Variants in FAT2 observed in about 807,000 individuals in gnomAD.
The protein encoded by FAT2 is protocadherin Fat 2.
A neutral mutation model predicts 295.3 loss-of-function variants in FAT2; 150 were observed. That is an observed-to-expected ratio of 0.51 (90% CI 0.44 to 0.58). The LOEUF (loss-of-function observed/expected upper bound fraction) is 0.58, where lower values mean the gene tolerates loss of function less well. Ranked by LOEUF, FAT2 falls within the 20% of genes least tolerant of loss-of-function variation. FAT2 has a pLI of 0.00. For missense variants in FAT2, 4,868 were observed against 5,442.7 expected (o/e 0.89, Z 3.32); for synonymous variants, 2,026 against 2,150.3 (o/e 0.94, Z 1.60).
At chr5:151,529,128 AC>A (rs769104556) in intron 15 of FAT2, 49 bp downstream of exon 15, 1 of 1,525,172 alleles carries the variant, frequency 6.6e-7, no homozygotes, top group Non-Finnish European at 9.1e-7. Context: ...TGAGATAAGA[AC>A]CCATCCCAGA....
rs537607271 is a variant in FAT2, at chr5:151,532,836, G to A, written c.9428-866C>T. ...CACGCCCTGAGCCTAAGGGTCTCACGTCTCCCACACACGTGGAACACAAAC... is the reference window on the plus strand; with the variant it reads ...CACGCCCTGAGCCTAAGGGTCTCACATCTCCCACACACGTGGAACACAAAC... On this transcript the variant is annotated intron_variant, in intron 13 of 23. Transcript: ENST00000261800. Among the ~76,000 whole-genome samples the A allele has an allele frequency of 7.9e-5, 12 of 152,318 alleles. No individual in the cohort carries two copies. The East Asian group carries it at 1.2e-3, about 15-fold the overall frequency.
At chr5:151,576,988 A>T (rs1173408055) in intron 1 of FAT2, among the ~76,000 whole-genome samples, 1 of 152,212 alleles carries the variant, frequency 6.6e-6, no homozygotes, top group East Asian at 1.9e-4. Flanking sequence ...TTGTGTATCT[A>T]AACATAGAAA....
intron 22 of FAT2, among the ~76,000 whole-genome samples, chr5:151,508,192 A>G (rs1039556158): frequency 6.6e-6 from 1 of 152,214 alleles, no homozygotes; most frequent in African/African-American, 2.4e-5. Flanking sequence ...TTTGAGGGCT[A>G]TTGGGAAAGT....
At chr5:151,509,251 G>A (rs1315843787) in intron 22 of FAT2, among the ~76,000 whole-genome samples, 1 of 152,200 alleles carries the variant, frequency 6.6e-6, no homozygotes, top group East Asian at 1.9e-4. Context: ...CTGGTTAAAT[G>A]TACAGATTGC....
rs1581262735 is a variant in FAT2 at position 151,507,377 on chromosome 5, C to T, written c.12294G>A (p.Met4098Ile). Residue 4098 changes from methionine (M) to isoleucine (I), a missense_variant, in exon 23 of 24, where the codon ATG becomes ATA. By Grantham distance (10) the Met-to-Ile change is conservative. Transcript: ENST00000261800. ...ARSVGVDTQA[M>I]PAIELNPLSA... ...TCAATGGGTTGAGCTCGATGGCAGG[C>T]ATGGCTTGGGTGTCAACACCAACAC... 1 of 1,614,184 alleles carries T rather than the reference C, an allele frequency of 6.2e-7. No homozygotes were observed. The highest frequency in any genetic ancestry group is 2.2e-5 in the East Asian group (1 of 44,886).
chr5:151,507,672 T>TA, intron 22 of FAT2, 61 bp from the exon 23 acceptor site: 9 of 1,441,544 alleles, frequency 6.2e-6, no homozygotes, highest in East Asian at 2.4e-5. Flanking sequence ...TGTCCCCTCT[T>TA]ACAGAGATCT....
In FAT2 at chr5:151,566,106, A is replaced by C. The variant is rs757617969; in HGVS notation, c.2826T>G (p.Thr942=). The part of the protein sequence containing the change: ...LKVPEDLPPG[T]VLTFLDASDP... ...CAGAGGCATCCAGAAATGTCAAGAC[A>C]GTCCCGGGGGGCAGGTCCTCTGGAA... The change falls in exon 2 of 24, where the codon ACT becomes ACG. Residue 942 remains threonine (T), a synonymous_variant. Coordinates refer to ENST00000261800, the MANE Select transcript of FAT2 (RefSeq NM_001447.3). The C allele has an allele frequency of 1.9e-6, 3 of 1,614,074 alleles. No homozygotes were observed. In the African/African-American group the frequency reaches 4.0e-5, roughly 22 times the overall value.
intron 22 of FAT2, among the ~76,000 whole-genome samples, chr5:151,508,829 G>T (rs1761095158): frequency 1.3e-5 from 2 of 152,114 alleles, no homozygotes; most frequent in African/African-American, 2.4e-5. Flanking sequence ...TACATCACTG[G>T]CTCTTATACA....
chr5:151,525,915 T>C lies in FAT2; in HGVS notation c.10359A>G (p.Pro3453=), dbSNP rs776392303. ...SKVLQLILSD[P]DSPENGPPYS... is the part of the protein sequence containing the mutation. ...AGGGGGGGCCATTCTCTGGAGAATC[T>C]GGGTCACTCAGGATCAGCTGCAGGA... Residue 3453 remains proline (P), a synonymous_variant, in exon 18 of 24, where the codon CCA becomes CCG. Transcript: ENST00000261800. 6.2e-7 allele frequency: 1 copy of C among 1,614,200 alleles called. No homozygotes were observed. The highest frequency in any genetic ancestry group is 8.5e-7 in the Non-Finnish European group (1 of 1,180,038).
chr5:151,545,457 C>T lies in FAT2; in HGVS notation c.5670G>A (p.Glu1890=). Reference sequence around the variant, plus strand: ...CATCGCTGGCCCGCACCATGAGAAGCTCCATGCCTGGATGGATAGGCCCGA... The same window carrying T: ...CATCGCTGGCCCGCACCATGAGAAGTTCCATGCCTGGATGGATAGGCCCGA... ...AIVGPIHPGM[E]LLMVRASDED... The change falls in exon 10 of 24, where the codon GAG becomes GAA. Residue 1890 remains glutamate (E), a synonymous_variant. Coordinates refer to ENST00000261800, the MANE Select transcript of FAT2 (RefSeq NM_001447.3). 2 of 1,614,180 alleles carry T rather than the reference C, an allele frequency of 1.2e-6. No homozygotes were observed. The highest frequency in any genetic ancestry group is 2.2e-5 in the South Asian group (2 of 91,082).
At chr5:151,525,671 G>A in intron 18 of FAT2, 97 bp downstream of exon 18, 2 of 1,380,008 alleles carry the variant, frequency 1.4e-6, no homozygotes, top group African/African-American at 1.4e-5. Flanking sequence ...TAAGTGCTTT[G>A]TACATTTTTT....
chr5:151,567,422 G>T lies in FAT2; in HGVS notation c.1510C>A (p.Pro504Thr). The T allele has an allele frequency of 1.2e-6, 2 of 1,614,166 alleles. No homozygotes were observed. Among genetic ancestry groups the T allele is most frequent in the Non-Finnish European group, 1.7e-6 (2 of 1,180,018 alleles). ...TYSIAGPKAL[P>T]FSIDPYLGII... Reference sequence around the variant, plus strand: ...CCCAGGTAGGGGTCAATAGAAAATGGCAAAGCTTTTGGTCCAGCAATGGAA... The same window carrying T: ...CCCAGGTAGGGGTCAATAGAAAATGTCAAAGCTTTTGGTCCAGCAATGGAA... The change falls in exon 2 of 24, where the codon CCA becomes ACA. Residue 504 changes from proline to threonine, a missense_variant. Pro to Thr is a conservative substitution (Grantham distance 38). Around this residue, in one of 5 missense-constraint regions of FAT2, gnomAD observed 3,297 missense variants for 3,669.4 expected, o/e 0.90. Transcript: ENST00000261800.
Position 151,580,657 on chromosome 5 carries a change from A to T in FAT2, c.-21+10508T>A, listed in dbSNP as rs148034475. On this transcript the variant is annotated intron_variant, in intron 1 of 23. Transcript: ENST00000261800. ...TCTCTCTTTGCAGTGATTTGCAGCA[A>T]AGCTCAAGCAGCAAGTTGAGCAGCA... Among the ~76,000 whole-genome samples, 96 of 152,318 alleles carry T rather than the reference A, an allele frequency of 6.3e-4. No individual in the cohort carries two copies. The East Asian group carries it at 0.016, about 26-fold the overall frequency.
At chr5:151,518,371 A>ATTATTATTATTATT (rs58882221) in intron 19 of FAT2, among the ~76,000 whole-genome samples, 33,019 of 130,822 alleles carry the variant, frequency 0.25, 4,551 homozygotes, top group South Asian at 0.46. Flanking sequence ...TAATAATAAT[A>ATTATTATTATTATT]ATAATTTTTA....
chr5:151,532,072 A>G (rs1408591027), intron 13 of FAT2, 102 bp from the exon 14 acceptor site: 95 of 1,457,692 alleles, frequency 6.5e-5, no homozygotes, highest in Non-Finnish European at 8.7e-5. Flanking sequence ...AGGGGCTCCC[A>G]TGAAGGCGGA....
chr5:151,559,649 G>C (rs868289241), intron 3 of FAT2, among the ~76,000 whole-genome samples: 55 of 148,358 alleles, frequency 3.7e-4, no homozygotes, highest in African/African-American at 1.3e-3. Flanking sequence ...CTCTCTCTCT[G>C]TGTGTGTGTG....
At chr5:151,529,710 C>A (rs907289732) in intron 14 of FAT2, among the ~76,000 whole-genome samples, 1 of 152,198 alleles carries the variant, frequency 6.6e-6, no homozygotes, top group Non-Finnish European at 1.5e-5. Flanking sequence ...GGAGCAGGGA[C>A]AATTATGATT....
At position 151,568,209 on chromosome 5, in the gene FAT2, T is replaced by G. The variant is rs1218607309; in HGVS notation, c.723A>C (p.Ala241=). ...GGGCAGGCTCCACATGAACCACAAG[T>G]GCAGCCAGGCTGCCAAACCCATTGC... The part of the protein sequence containing the change: ...SEGNGFGSLA[A]LVVHVEPALR... The change falls in exon 2 of 24, where the codon GCA becomes GCC. Residue 241 remains alanine, a synonymous_variant. Transcript: ENST00000261800. The G allele has an allele frequency of 5.0e-6, 8 of 1,613,936 alleles. No individual in the cohort carries two copies. In the South Asian group the frequency reaches 7.7e-5, roughly 16 times the overall value.
At chr5:151,590,773 A>G (rs1010430123) in intron 1 of FAT2, among the ~76,000 whole-genome samples, 11 of 152,146 alleles carry the variant, frequency 7.2e-5, no homozygotes, top group Non-Finnish European at 1.2e-4. Flanking sequence ...TTCCCCCTAA[A>G]AACTGCAGAG....
Sources: allele counts gnomAD v4.1 joint callset (sites outside exome capture counted in the v4.1 genomes callset), GRCh38; gene constraint gnomAD v4.1.1; regional missense constraint gnomAD v4.1.1; transcripts MANE v1.5; gene names NCBI Gene and HGNC (gene_info 2026-07-23, HGNC 2026-07-21).